Variants in MMRN2 observed in about 807,000 individuals in gnomAD.
MMRN2 encodes multimerin 2, also known as multimerin-2.
Under a neutral mutation model 68.8 loss-of-function variants are expected in MMRN2, and 53 were observed. That is an observed-to-expected ratio of 0.77 (90% CI 0.62 to 0.97). The LOEUF (loss-of-function observed/expected upper bound fraction) is 0.97. Among genes scored for constraint, MMRN2 ranks in the 50% least tolerant of loss-of-function variants. MMRN2 has a pLI of 0.00. For synonymous variants in MMRN2, 564 were observed against 551.6 expected, an observed-to-expected ratio of 1.02 and a Z score of -0.32; for missense variants, 1,266 against 1,259.5, an observed-to-expected ratio of 1.01 and a Z score of -0.08.
Position 86,942,974 on chromosome 10 carries a change from G to C in MMRN2, c.1810C>G (p.Leu604Val). The C allele has an allele frequency of 6.7e-7, 1 of 1,488,278 alleles. No homozygotes were observed. Among genetic ancestry groups the C allele is most frequent in the South Asian group, 1.3e-5 (1 of 79,946 alleles). 92.2% of individuals were successfully genotyped at this position (1,488,278 alleles called of 1,614,324 possible). A position where few individuals can be genotyped will look rare whatever the true frequency, so the allele number is the denominator to read the frequency against. Residue 604 changes from leucine (L) to valine (V), a missense_variant, in exon 6 of 7, where the codon CTG (leucine) becomes GTG (valine). Transcript: ENST00000372027. The stretch of plus-strand genomic sequence containing the variant: ...GCGGCCAGCACCGCCTCGTGCCGCA[G>C]CGCGTCCTCCAGCAGGGCGGCGAAG... ...SAFAALLEDA[L>V]RHEAVLAALF...
In MMRN2 at chr10:86,943,237, T is replaced by G; in HGVS notation, c.1547A>C (p.Glu516Ala). ...CTCGTCCAGGCTCACCTGGGTCTCC[T>G]CCAGGGCACGCGTGGCGTCCCTCTG... ...EGQRDATRAL[E>A]ETQVSLDERR... Residue 516 changes from glutamate (E) to alanine (A), a missense_variant, in exon 6 of 7, where the codon GAG (glutamate) becomes GCG (alanine). By Grantham distance (107) the Glu-to-Ala change is moderately radical (BLOSUM62 -1). Transcript: ENST00000372027. This position sits in a 1 kb window ranked among gnomAD's most constrained non-coding sequence, Gnocchi z 4.2. The G allele has an allele frequency of 6.2e-7, 1 of 1,612,210 alleles. No individual in the cohort carries two copies. The highest frequency in any genetic ancestry group is 8.5e-7 in the Non-Finnish European group (1 of 1,179,190).
rs756070358 is a variant in MMRN2, at chr10:86,943,784, C to T, written c.1000G>A (p.Asp334Asn). Residue 334 changes from aspartate to asparagine, a missense_variant, in exon 6 of 7, where the codon GAC (aspartate) becomes AAC (asparagine). Coordinates refer to ENST00000372027, the MANE Select transcript of MMRN2 (RefSeq NM_024756.3). The surrounding 1 kb of genome is among the most constrained non-coding windows in gnomAD (Gnocchi z 4.2). ...TTGTGCAGCCTCTTCAATTTGGTGT[C>T]CACATCGGCTTGGAGCTCTGAGATC... The part of the protein sequence containing the change: ...RSISELQADV[D>N]TKLKRLHKAQ... 2.7e-5 allele frequency: 44 copies of T among 1,609,006 alleles called. No individual in the cohort carries two copies. The South Asian group carries it at 4.7e-4, about 17-fold the overall frequency.
chr10:86,942,962 C>T lies in MMRN2; in HGVS notation c.1822G>A (p.Ala608Thr), dbSNP rs1843998524. ...TCCCCGAAGAGCGCGGCCAGCACCG[C>T]CTCGTGCCGCAGCGCGTCCTCCAGC... ...ALLEDALRHE[A>T]VLAALFGEEV... Residue 608 changes from alanine (A) to threonine (T), a missense_variant, in exon 6 of 7, where the codon GCG becomes ACG. Transcript: ENST00000372027. 14 of 1,497,128 alleles carry T rather than the reference C, an allele frequency of 9.4e-6. No homozygotes were observed. The highest frequency in any genetic ancestry group is 1.8e-4 in the Middle Eastern group (1 of 5,694). 92.7% of individuals were successfully genotyped at this position (1,497,128 alleles called of 1,614,324 possible). A position where few individuals can be genotyped will look rare whatever the true frequency, so the allele number is the denominator to read the frequency against.
rs1381117366 is a variant in MMRN2 at position 86,935,844 on chromosome 10, A to C, written c.*899T>G. 1 of 152,312 alleles carries C rather than the reference A, an allele frequency of 6.6e-6. No individual in the cohort carries two copies. The allele number at this position is 152,312 out of a possible 1,614,324, so 9.4% of individuals were successfully genotyped here. ...AGAATTGCCCAAGACTGGATAATTT[A>C]TAAAGGAAAGAGGTTTAATTGACTC... On this transcript the variant is annotated 3_prime_UTR_variant, in exon 7 of 7. Transcript: ENST00000372027.
At chr10:86,942,247 G>T in intron 6 of MMRN2, 70 bp downstream of exon 6, 1 of 1,511,230 alleles carries the variant, frequency 6.6e-7, no homozygotes, top group Non-Finnish European at 8.8e-7. Context: ...CCCTCTTGGA[G>T]GCAGAAGAGC....
intron 6 of MMRN2, 79 bp downstream of exon 6, chr10:86,942,238 C>T: frequency 6.7e-7 from 1 of 1,487,894 alleles, no homozygotes; most frequent in South Asian, 1.4e-5. Context: ...TCTTCCTGGC[C>T]CTCTTGGAGG....
At position 86,936,674 on chromosome 10, in the gene MMRN2, C is replaced by G; in HGVS notation, c.*69G>C. ...CCAACTGAATGACCTCCAGCCCATCCTTGGCCAGAGCCCCAGGCCGAGGAG... is the reference window on the plus strand; with the variant it reads ...CCAACTGAATGACCTCCAGCCCATCGTTGGCCAGAGCCCCAGGCCGAGGAG... On this transcript the variant is annotated 3_prime_UTR_variant, in exon 7 of 7. Coordinates refer to ENST00000372027, the MANE Select transcript of MMRN2 (RefSeq NM_024756.3). 1.3e-6 allele frequency: 2 copies of G among 1,568,328 alleles called. No individual in the cohort carries two copies. The highest frequency in any genetic ancestry group is 1.7e-6 in the Non-Finnish European group (2 of 1,152,218).
intron 6 of MMRN2, among the ~76,000 whole-genome samples, chr10:86,938,130 T>C (rs1843907279): frequency 6.6e-6 from 1 of 152,118 alleles, no homozygotes; most frequent in Non-Finnish European, 1.5e-5. Context: ...GACAGAGTCT[T>C]GCTCTGTTGC....
chr10:86,951,398 T>A (rs541508825), intron 1 of MMRN2, among the ~76,000 whole-genome samples: 56 of 152,336 alleles, frequency 3.7e-4, no homozygotes, highest in South Asian at 1.9e-3. Flanking sequence ...TATGAAGAAT[T>A]TCAAGATGGT....
At chr10:86,954,843 G>A (rs2133688454) in intron 1 of MMRN2, among the ~76,000 whole-genome samples, 1 of 146,160 alleles carries the variant, frequency 6.8e-6, no homozygotes, top group Admixed American at 6.8e-5. Context: ...GGGGGTGGGG[G>A]TGAGGATGGG....
At chr10:86,944,151 C>T in intron 5 of MMRN2, 23 bp from the exon 6 acceptor site, 3 of 1,606,784 alleles carry the variant, frequency 1.9e-6, no homozygotes, top group Non-Finnish European at 2.6e-6. Context: ...TGTGGTGTGA[C>T]ACAAGCCCTG....
chr10:86,944,310 G>A lies in MMRN2; in HGVS notation c.607C>T (p.Pro203Ser). The change falls in exon 5 of 7, where the codon CCT becomes TCT. Residue 203 changes from proline (P) to serine (S), a missense_variant. Coordinates refer to ENST00000372027, the MANE Select transcript of MMRN2 (RefSeq NM_024756.3). ...ATCACTGCAGCTGTGAGGTTACCAG[G>A]CAGGGCTTTCCACAGGCCTGGCAGG... ...DSLPGLWKAL[P>S]GNLTAAVMEA... 2 of 1,613,540 alleles carry A rather than the reference G, an allele frequency of 1.2e-6. No individual in the cohort carries two copies. Among genetic ancestry groups the A allele is most frequent in the Non-Finnish European group, 1.7e-6 (2 of 1,179,754 alleles).
chr10:86,957,434 C>T lies in MMRN2; in HGVS notation c.108G>A (p.Arg36=). The T allele has an allele frequency of 1.2e-6, 2 of 1,613,808 alleles. No homozygotes were observed. The highest frequency in any genetic ancestry group is 1.7e-5 in the Admixed American group (1 of 60,030). Residue 36 remains arginine (R), a synonymous_variant, in exon 1 of 7, where the codon AGG becomes AGA. Transcript: ENST00000372027. ...CCTCTGCCTTCCAGACCCCAGGTGTCCTGGAGCTCTGCAGATCAGAGAGGC... is the reference window on the plus strand; with the variant it reads ...CCTCTGCCTTCCAGACCCCAGGTGTTCTGGAGCTCTGCAGATCAGAGAGGC... The part of the protein sequence containing the change: ...STSLSDLQSS[R]TPGVWKAEAE...
intron 1 of MMRN2, among the ~76,000 whole-genome samples, chr10:86,952,140 G>A (rs1015048298): frequency 7.2e-5 from 11 of 152,314 alleles, no homozygotes; most frequent in East Asian, 3.9e-4. Flanking sequence ...AAAATGATGG[G>A]GCGTTGGCTC....
rs1262047048 is a variant in MMRN2, at chr10:86,941,938, C to T, written c.2467+379G>A. 7.3e-5 allele frequency among the ~76,000 whole-genome samples: 11 copies of T among 150,876 alleles called. No individual in the cohort carries two copies. The South Asian group carries it at 8.3e-4, about 11-fold the overall frequency. On this transcript the variant is annotated intron_variant, in intron 6 of 6. Coordinates refer to ENST00000372027, the MANE Select transcript of MMRN2 (RefSeq NM_024756.3). ...TTCTTCCTAGATACAGTGGCTTAAA[C>T]GCACATGGGAATGAAGGGGGTGAGG...
Position 86,936,151 on chromosome 10 carries a change from C to T in MMRN2, c.*592G>A. The stretch of plus-strand genomic sequence containing the variant: ...GGTGGGGGCACAGCTAAACCATATC[C>T]TACAAGGAATGACTGAAACTAAAGA... On this transcript the variant is annotated 3_prime_UTR_variant, in exon 7 of 7. Transcript: ENST00000372027. 2.9e-6 allele frequency: 1 copy of T among 340,396 alleles called. No homozygotes were observed. Among genetic ancestry groups the T allele is most frequent in the Non-Finnish European group, 5.3e-6 (1 of 189,790 alleles). 21.1% of individuals were successfully genotyped at this position (340,396 alleles called of 1,614,324 possible).
chr10:86,942,970 C>G lies in MMRN2; in HGVS notation c.1814G>C (p.Arg605Pro). 6.7e-7 allele frequency: 1 copy of G among 1,490,536 alleles called. No individual in the cohort carries two copies. The highest frequency in any genetic ancestry group is 1.2e-5 in the South Asian group (1 of 80,198). 92.3% of individuals were successfully genotyped at this position (1,490,536 alleles called of 1,614,324 possible). Residue 605 changes from arginine (R) to proline (P), a missense_variant, in exon 6 of 7, where the codon CGG (arginine) becomes CCG (proline). Transcript: ENST00000372027. ...AFAALLEDAL[R>P]HEAVLAALFG... ...GAGCGCGGCCAGCACCGCCTCGTGCCGCAGCGCGTCCTCCAGCAGGGCGGC... is the reference window on the plus strand; with the variant it reads ...GAGCGCGGCCAGCACCGCCTCGTGCGGCAGCGCGTCCTCCAGCAGGGCGGC...
In MMRN2 at chr10:86,942,345, A is replaced by G; in HGVS notation, c.2439T>C (p.Gly813=). The G allele has an allele frequency of 6.2e-7, 1 of 1,613,268 alleles. No individual in the cohort carries two copies. Among genetic ancestry groups the G allele is most frequent in the Non-Finnish European group, 8.5e-7 (1 of 1,179,502 alleles). ...VDIRVTGPVP[G]ALGAALWEAG... ...CCTCCCAGAGCGCCGCGCCCAAGGC[A>G]CCTGGCACAGGCCCTGTGACCCGTA... The change falls in exon 6 of 7, where the codon GGT becomes GGC. Residue 813 remains glycine, a synonymous_variant. Coordinates refer to ENST00000372027, the MANE Select transcript of MMRN2 (RefSeq NM_024756.3).
At chr10:86,940,075 C>G (rs1843945733) in intron 6 of MMRN2, among the ~76,000 whole-genome samples, 2 of 150,664 alleles carry the variant, frequency 1.3e-5, no homozygotes, top group South Asian at 4.2e-4. Context: ...TGCAGTGGCG[C>G]AATCTCGGCT....
Sources: gnomAD v4.1 joint callset for allele counts (sites outside exome capture counted in the v4.1 genomes callset) on GRCh38, gnomAD v4.1.1 for gene constraint, Gnocchi (gnomAD v3.1) non-coding constraint, MANE v1.5 for transcripts, NCBI Gene and HGNC (gene_info 2026-07-23, HGNC 2026-07-21) for gene names.